The following DGKB variants were observed in gnomAD, a reference collection of about 807,000 sequenced individuals.
The protein encoded by DGKB is 90 kDa diacylglycerol kinase.
A neutral mutation model predicts 114.3 loss-of-function variants in DGKB; 67 were observed. The ratio of observed to expected loss-of-function variants is 0.59; its 90% confidence interval spans 0.48 to 0.72. The LOEUF is 0.72. Ranked by LOEUF, DGKB falls within the 30% of genes least tolerant of loss-of-function variation. The pLI is 0.00. For missense variants in DGKB, 907 were observed against 975.2 expected (o/e 0.93, Z 0.93); for synonymous variants, 398 against 323.1 (o/e 1.23, Z -2.49).
At chr7:14,162,225 G>A (rs916020413) in intron 25 of DGKB, among the ~76,000 whole-genome samples, 7 of 152,174 alleles carry the variant, frequency 4.6e-5, no homozygotes, top group Non-Finnish European at 1.0e-4. Flanking sequence ...TCTATAGTCT[G>A]TATCCACCAG....
At chr7:14,661,353 T>C (rs1024049792) in intron 13 of DGKB, among the ~76,000 whole-genome samples, 3 of 144,368 alleles carry the variant, frequency 2.1e-5, no homozygotes, top group Admixed American at 7.2e-5. Flanking sequence ...CAAACAAATT[T>C]ACAAGAAAAA....
chr7:14,266,057 T>A (rs2128421777), intron 23 of DGKB, among the ~76,000 whole-genome samples: 1 of 152,310 alleles, frequency 6.6e-6, no homozygotes, highest in South Asian at 2.1e-4. Flanking sequence ...TAGTGCTACA[T>A]AAAAGGCAAC....
chr7:14,577,164 T>A (rs1584922323), intron 19 of DGKB, among the ~76,000 whole-genome samples: 1 of 152,306 alleles, frequency 6.6e-6, no homozygotes, highest in East Asian at 1.9e-4. Context: ...TTATTTTGGT[T>A]TAAAGCCTGT....
At chr7:14,609,822 C>T (rs1231381380) in intron 16 of DGKB, among the ~76,000 whole-genome samples, 1 of 151,924 alleles carries the variant, frequency 6.6e-6, no homozygotes, top group Non-Finnish European at 1.5e-5. Context: ...CACAATAAAA[C>T]ACCATCTCAC....
At chr7:14,344,706 T>C (rs1480541044) in intron 22 of DGKB, among the ~76,000 whole-genome samples, 1 of 138,108 alleles carries the variant, frequency 7.2e-6, no homozygotes, top group Admixed American at 7.4e-5. Flanking sequence ...AGTCCTACAG[T>C]GTCTTTTTTT....
chr7:14,844,544 C>T (rs187145145), intron 1 of DGKB, among the ~76,000 whole-genome samples: 270 of 152,304 alleles, frequency 1.8e-3, no homozygotes, highest in African/African-American at 6.0e-3. Flanking sequence ...CCTGATCACT[C>T]TTACATTTCT....
chr7:14,553,997 C>G (rs1199414304), intron 20 of DGKB, among the ~76,000 whole-genome samples: 1 of 151,008 alleles, frequency 6.6e-6, no homozygotes, highest in Admixed American at 6.6e-5. Context: ...CTCAGCCTCC[C>G]GAGTAGCTGG....
At chr7:14,460,329 T>C (rs4454192) in intron 21 of DGKB, among the ~76,000 whole-genome samples, 60,865 of 151,618 alleles carry the variant, frequency 0.4, 12,471 homozygotes, top group Admixed American at 0.49. Flanking sequence ...TCAAGACCCA[T>C]TGGTGTGCTG....
At chr7:14,514,762 A>G (rs76007447) in intron 20 of DGKB, among the ~76,000 whole-genome samples, 2 of 152,098 alleles carry the variant, frequency 1.3e-5, no homozygotes, top group Non-Finnish European at 2.9e-5. Context: ...GTCCCATTTT[A>G]AAAAAAGGAG....
intron 2 of DGKB, among the ~76,000 whole-genome samples, chr7:14,788,773 CAGTGGGTT>C (rs2128502207): frequency 6.6e-6 from 1 of 152,274 alleles, no homozygotes; most frequent in Admixed American, 6.5e-5. Flanking sequence ...TCCCATGGTA[CAGTGGGTT>C]CCTTTCTCTC....
At chr7:14,944,828 T>TA (rs1785780392) in intron 1 of DGKB, among the ~76,000 whole-genome samples, 1 of 151,780 alleles carries the variant, frequency 6.6e-6, no homozygotes, top group Non-Finnish European at 1.5e-5. Flanking sequence ...AAAAATGAAT[T>TA]AAAATCTGCA....
At chr7:14,368,117 A>G (rs1377172964) in intron 21 of DGKB, among the ~76,000 whole-genome samples, 2 of 151,976 alleles carry the variant, frequency 1.3e-5, no homozygotes, top group African/African-American at 4.8e-5. Context: ...ACATATATAG[A>G]GTTCCCATAT....
intron 20 of DGKB, among the ~76,000 whole-genome samples, chr7:14,539,304 A>G (rs1301592943): frequency 3.9e-5 from 6 of 152,156 alleles, no homozygotes; most frequent in Non-Finnish European, 8.8e-5. Flanking sequence ...ATTTTTGTAT[A>G]CCAATTATTC....
At chr7:14,615,503 G>T (rs6969050) in intron 15 of DGKB, among the ~76,000 whole-genome samples, 40,952 of 151,432 alleles carry the variant, frequency 0.27, 6,332 homozygotes, top group East Asian at 0.68. Context: ...ATAGATTATA[G>T]TCTGTAAGGA....
chr7:14,177,657 C>T (rs745926809), intron 24 of DGKB, among the ~76,000 whole-genome samples: 3 of 151,072 alleles, frequency 2.0e-5, no homozygotes, highest in Non-Finnish European at 4.4e-5. Context: ...TACTGTGGCA[C>T]TTTAGTCCAT....
At chr7:14,586,307 C>G (rs1411433089) in intron 17 of DGKB, among the ~76,000 whole-genome samples, 1 of 152,094 alleles carries the variant, frequency 6.6e-6, no homozygotes, top group Non-Finnish European at 1.5e-5. Context: ...GGAGCCACAA[C>G]ATTCCCTTAA....
At chr7:14,677,004 C>G (rs1443341825) in intron 12 of DGKB, among the ~76,000 whole-genome samples, 1 of 151,754 alleles carries the variant, frequency 6.6e-6, no homozygotes, top group Admixed American at 6.6e-5. Context: ...GTAGGAAAAT[C>G]ATATAATAGA....
intron 23 of DGKB, among the ~76,000 whole-genome samples, chr7:14,286,821 T>C (rs1800944374): frequency 6.6e-6 from 1 of 152,106 alleles, no homozygotes; most frequent in African/African-American, 2.4e-5. Flanking sequence ...ATTAGAATTA[T>C]AAAATATGTG....
At chr7:14,626,006 A>T (rs1425779836) in intron 14 of DGKB, among the ~76,000 whole-genome samples, 2 of 152,172 alleles carry the variant, frequency 1.3e-5, no homozygotes, top group African/African-American at 4.8e-5. Context: ...ATCATCATAA[A>T]CAGAGAAGAA....
Sources: gnomAD v4.1 joint callset for allele counts (sites outside exome capture counted in the v4.1 genomes callset) on GRCh38, gnomAD v4.1.1 for gene constraint, MANE v1.5 for transcripts, NCBI Gene and HGNC (gene_info 2026-07-23, HGNC 2026-07-21) for gene names.